The following AKAIN1 variants were observed in gnomAD, a reference collection of about 807,000 sequenced individuals.
The protein encoded by AKAIN1 is A-kinase anchor inhibitor 1, also known as A-kinase anchor protein inhibitor 1.
AKAIN1 carries 3 observed loss-of-function variants against 3.7 expected under a neutral mutation model. The ratio of observed to expected loss-of-function variants is 0.82; its 90% CI spans 0.37 to 2.12. The LOEUF (loss-of-function observed/expected upper bound fraction) is 2.12, where lower values mean the gene tolerates loss of function less well. Ranked by LOEUF, AKAIN1 falls within the 30% of genes most tolerant of loss-of-function variation. The pLI, the probability that AKAIN1 is intolerant of heterozygous loss-of-function variation, is 0.06. For missense variants in AKAIN1, 82 were observed against 82.7 expected (o/e 0.99, Z 0.03); for synonymous variants, 31 against 30.8 (o/e 1.01, Z -0.02).
intron 1 of AKAIN1, among the ~76,000 whole-genome samples, chr18:5,191,780 A>G (rs895087892): frequency 3.9e-5 from 6 of 152,170 alleles, no homozygotes; most frequent in Admixed American, 2.6e-4. Context: ...GGCAAGAAGC[A>G]TTTTAGATTT....
chr18:5,167,510 T>C (rs1274059715), intron 1 of AKAIN1, among the ~76,000 whole-genome samples: 2 of 152,088 alleles, frequency 1.3e-5, no homozygotes, highest in African/African-American at 2.4e-5. Context: ...CATTAGTATA[T>C]GCCACATCAA....
At chr18:5,178,437 C>G (rs1157202396) in intron 1 of AKAIN1, among the ~76,000 whole-genome samples, 1 of 152,068 alleles carries the variant, frequency 6.6e-6, no homozygotes, top group African/African-American at 2.4e-5. Context: ...GCAGAGCTGC[C>G]AATGACCAGA....
chr18:5,174,886 A>C (rs1460288376), intron 1 of AKAIN1, among the ~76,000 whole-genome samples: 2 of 152,146 alleles, frequency 1.3e-5, no homozygotes, highest in African/African-American at 2.4e-5. Context: ...GAGACAGAAT[A>C]CTAACCTTTC....
intron 1 of AKAIN1, among the ~76,000 whole-genome samples, chr18:5,158,193 G>A (rs1031827118): frequency 6.6e-6 from 1 of 152,192 alleles, no homozygotes; most frequent in African/African-American, 2.4e-5. Flanking sequence ...TCAATGAGTG[G>A]CTGTGAAAGT....
intron 1 of AKAIN1, among the ~76,000 whole-genome samples, chr18:5,189,410 C>G (rs967281615): frequency 2.0e-5 from 3 of 152,146 alleles, no homozygotes; most frequent in Non-Finnish European, 2.9e-5. Flanking sequence ...TAGCCAGGCT[C>G]TTAATTTTTC....
At chr18:5,158,393 C>T (rs1270184606) in intron 1 of AKAIN1, among the ~76,000 whole-genome samples, 1 of 152,180 alleles carries the variant, frequency 6.6e-6, no homozygotes, top group East Asian at 1.9e-4. Flanking sequence ...AGAAAACACA[C>T]TAGAACGTGA....
chr18:5,183,525 A>G (rs2071270617), intron 1 of AKAIN1, among the ~76,000 whole-genome samples: 1 of 152,064 alleles, frequency 6.6e-6, no homozygotes, highest in Non-Finnish European at 1.5e-5. Flanking sequence ...GTAGGCAGTC[A>G]GTAGCCAACT....
At chr18:5,174,225 G>C (rs1453242100) in intron 1 of AKAIN1, among the ~76,000 whole-genome samples, 1 of 152,122 alleles carries the variant, frequency 6.6e-6, no homozygotes, top group Non-Finnish European at 1.5e-5. Context: ...GCTCTTGAGG[G>C]CTGCCTCTCC....
intron 1 of AKAIN1, among the ~76,000 whole-genome samples, chr18:5,181,824 T>C (rs768358942): frequency 1.9e-4 from 29 of 152,102 alleles, no homozygotes; most frequent in Non-Finnish European, 3.4e-4. Context: ...TATCCAGGAA[T>C]ATATGTATCT....
At chr18:5,178,734 T>C (rs1028101941) in intron 1 of AKAIN1, among the ~76,000 whole-genome samples, 2 of 152,088 alleles carry the variant, frequency 1.3e-5, no homozygotes, top group Non-Finnish European at 2.9e-5. Flanking sequence ...GTCAACTTCC[T>C]GGAGAGCTTT....
chr18:5,181,082 G>A (rs1567878199), intron 1 of AKAIN1, among the ~76,000 whole-genome samples: 1 of 151,636 alleles, frequency 6.6e-6, no homozygotes, highest in Non-Finnish European at 1.5e-5. Flanking sequence ...GAGCCTAGGA[G>A]TTCAAGATCA....
chr18:5,174,856 C>A (rs2071217370), intron 1 of AKAIN1, among the ~76,000 whole-genome samples: 1 of 152,154 alleles, frequency 6.6e-6, no homozygotes, highest in African/African-American at 2.4e-5. Flanking sequence ...GCCTCATGTG[C>A]AGGCCTCAGA....
rs569471589 is a variant in AKAIN1 at position 5,166,194 on chromosome 18, G to A, written c.17-20439C>T. On this transcript the variant is annotated intron_variant, in intron 1 of 1. Transcript: ENST00000434239. ...CCTAAAATACCATATTATCATCTAC[G>A]TATACGTCTTCTTCTAATTCATTAT... 7.9e-5 allele frequency among the ~76,000 whole-genome samples: 12 copies of A among 151,974 alleles called. No individual in the cohort carries two copies. The East Asian group carries it at 2.1e-3, about 27-fold the overall frequency.
chr18:5,163,966 A>G (rs2071153771), intron 1 of AKAIN1, among the ~76,000 whole-genome samples: 1 of 152,078 alleles, frequency 6.6e-6, no homozygotes, highest in Non-Finnish European at 1.5e-5. Context: ...TTAAAATTGA[A>G]TAATACAACT....
intron 1 of AKAIN1, among the ~76,000 whole-genome samples, chr18:5,169,921 CT>C (rs1473475646): frequency 6.6e-6 from 1 of 152,106 alleles, no homozygotes; most frequent in African/African-American, 2.4e-5. Context: ...TACTCTTCAC[CT>C]GCAGCCTTTC....
chr18:5,194,511 C>T (rs2071337712), intron 1 of AKAIN1, among the ~76,000 whole-genome samples: 1 of 152,166 alleles, frequency 6.6e-6, no homozygotes, highest in African/African-American at 2.4e-5. Context: ...CCCCCTCATT[C>T]CATTGTACTT....
chr18:5,145,489 C>A lies in AKAIN1; in HGVS notation c.*73G>T. The A allele has an allele frequency of 7.7e-7, 1 of 1,301,398 alleles. No homozygotes were observed. Among genetic ancestry groups the A allele is most frequent in the East Asian group, 2.5e-5 (1 of 39,284 alleles). The allele number at this position is 1,301,398 out of a possible 1,614,324, so 80.6% of individuals were successfully genotyped here. ...ACACTTCGGTTTGCTTTACTGGCAA[C>A]ATTTTGGAGATGCGTCCTATACTAA... On this transcript the variant is annotated 3_prime_UTR_variant, in exon 2 of 2. Coordinates refer to ENST00000434239, the MANE Select transcript of AKAIN1 (RefSeq NM_001145194.2).
chr18:5,161,729 A>G (rs757785123), intron 1 of AKAIN1, among the ~76,000 whole-genome samples: 9 of 152,130 alleles, frequency 5.9e-5, no homozygotes, highest in Admixed American at 1.3e-4. Context: ...ATTATTTTTA[A>G]TTAGAAATGC....
chr18:5,162,218 C>G (rs1439937079), intron 1 of AKAIN1, among the ~76,000 whole-genome samples: 1 of 152,096 alleles, frequency 6.6e-6, no homozygotes, highest in Non-Finnish European at 1.5e-5. Flanking sequence ...CTCCAGAAAT[C>G]AGGAAGCCAG....
Sources: allele counts gnomAD v4.1 joint callset (sites outside exome capture counted in the v4.1 genomes callset), GRCh38; gene constraint gnomAD v4.1.1; transcripts MANE v1.5; gene names NCBI Gene and HGNC (gene_info 2026-07-23, HGNC 2026-07-21).